RBPMS: variants seen among roughly 807,000 people sequenced by gnomAD.
The protein encoded by RBPMS is RNA-binding protein with multiple splicing.
In RBPMS, 7 loss-of-function variants were observed where a neutral mutation model predicts 26.8. The observed-to-expected ratio is 0.26, with a 90% confidence interval of 0.15 to 0.49. RBPMS has a LOEUF of 0.49. RBPMS is among the 20% of genes least tolerant of loss of function. RBPMS has a pLI of 0.98. For missense variants in RBPMS, 186 were observed against 250.0 expected (o/e 0.74, Z 1.73); for synonymous variants, 96 against 93.3 (o/e 1.03, Z -0.17).
At position 30,550,879 on chromosome 8, in the gene RBPMS, C is replaced by CT. The variant is rs1229764444; in HGVS notation, c.528+6258dup. ...GAATGGCCCTTGCCCTCACGAGTTA[C>CT]TTTACACAAACCCGCTGTCCCTGAC... is the stretch of plus-strand genomic sequence containing the variant. On this transcript the variant is annotated intron_variant, in intron 6 of 8. Transcript: ENST00000397323. 5.9e-5 allele frequency among the ~76,000 whole-genome samples: 9 copies of CT among 152,342 alleles called. No homozygotes were observed. The South Asian group carries it at 1.9e-3, about 32-fold the overall frequency.
At chr8:30,516,774 G>A (rs184233721) in intron 5 of RBPMS, among the ~76,000 whole-genome samples, 3 of 152,152 alleles carry the variant, frequency 2.0e-5, no homozygotes, top group African/African-American at 7.2e-5. Flanking sequence ...TACGCCTGTA[G>A]TCCCAGCTAC....
chr8:30,473,713 G>T (rs1817385394), intron 1 of RBPMS, among the ~76,000 whole-genome samples: 1 of 152,122 alleles, frequency 6.6e-6, no homozygotes, highest in Non-Finnish European at 1.5e-5. Flanking sequence ...ATCAATGATA[G>T]ACTAAATAAA....
chr8:30,414,132 T>C (rs1809786114), intron 1 of RBPMS, among the ~76,000 whole-genome samples: 2 of 150,416 alleles, frequency 1.3e-5, no homozygotes, highest in Admixed American at 1.3e-4. Context: ...CCTTTTGATG[T>C]CATCAGAACA....
intron 1 of RBPMS, among the ~76,000 whole-genome samples, chr8:30,454,459 A>G (rs918699843): frequency 2.0e-5 from 3 of 152,170 alleles, no homozygotes. Context: ...GTGATTTGCC[A>G]TGTCTTACTC....
intron 1 of RBPMS, among the ~76,000 whole-genome samples, chr8:30,389,773 A>G (rs1807566241): frequency 1.3e-5 from 2 of 152,134 alleles, no homozygotes; most frequent in Non-Finnish European, 2.9e-5. Flanking sequence ...TTTTAAAGAG[A>G]AAAATACATG....
intron 6 of RBPMS, chr8:30,547,579 C>T: frequency 7.2e-6 from 8 of 1,109,854 alleles, no homozygotes; most frequent in Non-Finnish European, 1.0e-5. Context: ...AAAGGTGTTA[C>T]TCTCTGACTG....
Position 30,430,000 on chromosome 8 carries a change from G to A in RBPMS, c.67-44779G>A, listed in dbSNP as rs772511548. ...AATTTGAAAATCTGAAATCTGGCCC[G>A]GCGCAGGGGCTCATGCCTGTAATCA... On this transcript the variant is annotated intron_variant, in intron 1 of 8. Transcript: ENST00000397323. Among the ~76,000 whole-genome samples, 23 of 152,250 alleles carry A rather than the reference G, an allele frequency of 1.5e-4. 1 individual carries two copies. The highest frequency in any genetic ancestry group is 5.1e-4 in the African/African-American group (21 of 41,544).
intron 2 of RBPMS, among the ~76,000 whole-genome samples, chr8:30,476,434 T>G (rs748543460): frequency 3.9e-5 from 6 of 152,152 alleles, no homozygotes; most frequent in Non-Finnish European, 5.9e-5. Flanking sequence ...AACCTCTAGT[T>G]TTTTCAGAAG....
chr8:30,419,796 T>C (rs2915609), intron 1 of RBPMS, among the ~76,000 whole-genome samples: 26,826 of 152,094 alleles, frequency 0.18, 6,009 homozygotes, highest in African/African-American at 0.52. Flanking sequence ...CTGGTCCCAG[T>C]CATTTCACAT....
rs1554507355 is a variant in RBPMS at position 30,411,681 on chromosome 8, A to AAAAAAAG, written c.66+26526_66+26527insAAAGAAA. ...CTGTCTCAGAAAAAAAAAAAAAAAA[A>AAAAAAAG]AAAGAAAAAGGAAATGTTTAGGCCG... On this transcript the variant is annotated intron_variant, in intron 1 of 8. Coordinates refer to ENST00000397323, the MANE Select transcript of RBPMS (RefSeq NM_001008710.3). Among the ~76,000 whole-genome samples the AAAAAAAG allele has an allele frequency of 9.4e-5, 12 of 127,952 alleles. 1 individual carries two copies. The highest frequency in any genetic ancestry group is 3.3e-4 in the Admixed American group (4 of 11,950). The allele number at this position is 127,952 out of a possible 152,430, so 83.9% of individuals were successfully genotyped here.
At chr8:30,417,480 C>G (rs1810231920) in intron 1 of RBPMS, among the ~76,000 whole-genome samples, 1 of 152,148 alleles carries the variant, frequency 6.6e-6, no homozygotes, top group East Asian at 1.9e-4. Context: ...ATCATGTCAT[C>G]TCATTTTTCT....
chr8:30,486,643 A>G (rs939232737), intron 4 of RBPMS, among the ~76,000 whole-genome samples: 1 of 42,722 alleles, frequency 2.3e-5, no homozygotes, highest in South Asian at 4.9e-4. Context: ...AAAAAAAAAT[A>G]AAAAAATAAA....
chr8:30,461,586 A>G (rs971199965), intron 1 of RBPMS, among the ~76,000 whole-genome samples: 23 of 152,220 alleles, frequency 1.5e-4, no homozygotes, highest in Non-Finnish European at 2.9e-4. Context: ...TAGTAGAGAC[A>G]GGGTTTCACC....
chr8:30,389,577 AG>A (rs1279253448), intron 1 of RBPMS, among the ~76,000 whole-genome samples: 2 of 152,202 alleles, frequency 1.3e-5, no homozygotes, highest in Non-Finnish European at 2.9e-5. Context: ...CCTTTGATTT[AG>A]TACCTTTATT....
chr8:30,482,643 T>G (rs1443389679), intron 4 of RBPMS, among the ~76,000 whole-genome samples: 1 of 152,206 alleles, frequency 6.6e-6, no homozygotes, highest in Non-Finnish European at 1.5e-5. Flanking sequence ...ATACAGTACG[T>G]TTTGTTTCTA....
intron 4 of RBPMS, among the ~76,000 whole-genome samples, chr8:30,485,827 G>A (rs1003273060): frequency 6.6e-6 from 1 of 152,196 alleles, no homozygotes; most frequent in African/African-American, 2.4e-5. Flanking sequence ...TCTAGAATCT[G>A]TCCAGATTTT....
intron 1 of RBPMS, among the ~76,000 whole-genome samples, chr8:30,471,731 A>C (rs1034507449): frequency 3.3e-5 from 5 of 152,208 alleles, no homozygotes; most frequent in Non-Finnish European, 7.3e-5. Context: ...GGGAGGGCAC[A>C]CTGGATTAGC....
intron 1 of RBPMS, among the ~76,000 whole-genome samples, chr8:30,389,849 C>A (rs1049004046): frequency 2.6e-5 from 4 of 152,038 alleles, no homozygotes; most frequent in Non-Finnish European, 5.9e-5. Context: ...TGGTTATATA[C>A]TATTCTCTGT....
chr8:30,474,783 G>A lies in RBPMS; in HGVS notation c.71G>A (p.Arg24Gln), dbSNP rs1817513091. Reference protein sequence around the residue: ...SEANLQEEEVRTLFVSGLPLD... With the variant: ...SEANLQEEEVQTLFVSGLPLD... ...TTCCTAAATTTATTTTTCCAGGTCC[G>A]GACCCTATTTGTCAGTGGCCTTCCT... The change falls in exon 2 of 9, where the codon CGG becomes CAG. Residue 24 changes from arginine to glutamine, a missense_variant. Physicochemically the swap from Arg to Gln is conservative, Grantham distance 43 (BLOSUM62 1). This residue lies in a region of RBPMS where 50 missense variants were observed against 108.5 expected (regional missense o/e 0.46). Coordinates refer to ENST00000397323, the MANE Select transcript of RBPMS (RefSeq NM_001008710.3). 1.2e-6 allele frequency: 2 copies of A among 1,608,244 alleles called. No homozygotes were observed. Among genetic ancestry groups the A allele is most frequent in the Non-Finnish European group, 1.7e-6 (2 of 1,174,768 alleles).
Sources: gnomAD v4.1 joint callset for allele counts (sites outside exome capture counted in the v4.1 genomes callset) on GRCh38, gnomAD v4.1.1 for gene constraint, gnomAD v4.1.1 regional missense constraint, MANE v1.5 for transcripts, NCBI Gene and HGNC (gene_info 2026-07-23, HGNC 2026-07-21) for gene names.